The following FAM222B variants were observed in gnomAD, a reference collection of about 807,000 sequenced individuals.
FAM222B encodes protein FAM222B.
Under a neutral mutation model 38.0 loss-of-function variants are expected in FAM222B, and 12 were observed. The observed-to-expected ratio is 0.32, with a 90% confidence interval of 0.20 to 0.51. The LOEUF (loss-of-function observed/expected upper bound fraction) is 0.51. FAM222B is among the 20% of genes least tolerant of loss of function. The probability of loss-of-function intolerance (pLI) is 0.97; values close to 1 mark genes in which losing one functional copy is unlikely to be tolerated. For missense variants in FAM222B, 716 were observed against 754.2 expected (o/e 0.95, Z 0.59); for synonymous variants, 329 against 317.2 (o/e 1.04, Z -0.40).
upstream of FAM222B, among the ~76,000 whole-genome samples, chr17:28,843,146 T>G (rs1175944391): frequency 6.6e-6 from 1 of 151,876 alleles, no homozygotes; most frequent in African/African-American, 2.4e-5. Flanking sequence ...GTCTTTTTTT[T>G]TTTTTTTCTG....
At position 28,842,746 on chromosome 17, in the gene FAM222B, TCTC is replaced by T. The variant is rs2039092059; in HGVS notation, c.-108_-106del. ...CCGCCCGCCGCCCGCCGCCACCACT[TCTC>T]CACTGCCCGGCCCCTCAGTCACCGG... On this transcript the variant is annotated 5_prime_UTR_variant, in exon 1 of 3. Transcript: ENST00000581407. 1.4e-5 allele frequency: 2 copies of T among 144,138 alleles called. No homozygotes were observed. Among genetic ancestry groups the T allele is most frequent in the African/African-American group, 5.4e-5 (2 of 36,778 alleles). The allele number at this position is 144,138 out of a possible 1,614,324, so 8.9% of individuals were successfully genotyped here.
chr17:28,817,692 T>C (rs1384501586), intron 1 of FAM222B, among the ~76,000 whole-genome samples: 1 of 152,038 alleles, frequency 6.6e-6, no homozygotes, highest in Non-Finnish European at 1.5e-5. Context: ...GCACTCCAGC[T>C]TGGGCAACAA....
At position 28,803,771 on chromosome 17, in the gene FAM222B, A is replaced by T. The variant is rs183031590; in HGVS notation, c.-40-37064T>A. On this transcript the variant is annotated intron_variant, in intron 1 of 2. Transcript: ENST00000581407. ...GAGACGGGTGGATCAAGAGGTCAGG[A>T]GTTCAAGACCAGCCTGGCCAAGATG... Among the ~76,000 whole-genome samples the T allele has an allele frequency of 3.7e-4, 57 of 152,154 alleles. 1 individual carries two copies. The highest frequency in any genetic ancestry group is 1.3e-3 in the African/African-American group (55 of 41,496).
chr17:28,842,318 C>CAGGAAGTGG (rs2039070645), intron 1 of FAM222B, among the ~76,000 whole-genome samples: 1 of 152,138 alleles, frequency 6.6e-6, no homozygotes, highest in Non-Finnish European at 1.5e-5. Flanking sequence ...CCTTCCCCTG[C>CAGGAAGTGG]CTGGTTCAGA....
At chr17:28,815,188 G>A (rs536145543) in intron 1 of FAM222B, among the ~76,000 whole-genome samples, 22 of 151,352 alleles carry the variant, frequency 1.5e-4, no homozygotes, top group African/African-American at 5.1e-4. Context: ...CAGGTAGGGA[G>A]AACTGAAGAA....
intron 1 of FAM222B, among the ~76,000 whole-genome samples, chr17:28,791,373 T>C (rs964188010): frequency 2.6e-5 from 4 of 152,112 alleles, no homozygotes; most frequent in African/African-American, 7.2e-5. Context: ...CCACTTGGAA[T>C]AGGTTTCCTG....
At chr17:28,765,937 A>T (rs1405469826) in intron 2 of FAM222B, among the ~76,000 whole-genome samples, 2 of 152,214 alleles carry the variant, frequency 1.3e-5, no homozygotes, top group East Asian at 3.8e-4. Flanking sequence ...CTACTAAGAG[A>T]GTTCAAAACA....
At chr17:28,822,694 G>A (rs992114444) in intron 1 of FAM222B, among the ~76,000 whole-genome samples, 3 of 147,374 alleles carry the variant, frequency 2.0e-5, no homozygotes, top group African/African-American at 7.5e-5. Flanking sequence ...CCAGCCACCT[G>A]GGAGACTGAG....
At chr17:28,845,354 C>G (rs1598068223), upstream of FAM222B, among the ~76,000 whole-genome samples, 1 of 149,538 alleles carries the variant, frequency 6.7e-6, no homozygotes, top group African/African-American at 2.5e-5. Context: ...TGAGCCAAGA[C>G]GGTGCCACTG....
chr17:28,758,175 G>T lies in FAM222B; in HGVS notation c.*95C>A. On this transcript the variant is annotated 3_prime_UTR_variant, in exon 3 of 3. Coordinates refer to ENST00000581407, the MANE Select transcript of FAM222B (RefSeq NM_001077498.3). ...TTAGACATCTAAGAATGATCACACT[G>T]GAGCAGTGAAACTTTGAAACTATCC... 9.3e-7 allele frequency: 1 copy of T among 1,077,550 alleles called. No homozygotes were observed. The highest frequency in any genetic ancestry group is 2.4e-5 in the East Asian group (1 of 40,890). 66.7% of individuals were successfully genotyped at this position (1,077,550 alleles called of 1,614,324 possible).
intron 1 of FAM222B, among the ~76,000 whole-genome samples, chr17:28,804,585 C>T (rs963807664): frequency 5.9e-5 from 9 of 152,088 alleles, no homozygotes; most frequent in Non-Finnish European, 1.2e-4. Flanking sequence ...CCACACACCT[C>T]GGCCTCCCAA....
At chr17:28,811,463 A>C (rs1275829022) in intron 1 of FAM222B, among the ~76,000 whole-genome samples, 2 of 152,118 alleles carry the variant, frequency 1.3e-5, no homozygotes, top group African/African-American at 4.8e-5. Flanking sequence ...AAAACAAAAA[A>C]ACCCCCACGA....
chr17:28,759,169 C>G lies in FAM222B; in HGVS notation c.790G>C (p.Asp264His). Residue 264 changes from aspartate to histidine, a missense_variant, in exon 3 of 3, where the codon GAC (aspartate) becomes CAC (histidine). Asp to His is a moderately conservative substitution (Grantham distance 81, BLOSUM62 -1). Transcript: ENST00000581407. The surrounding 1 kb of genome is among the most constrained non-coding windows in gnomAD (Gnocchi z 4.8). ...AATLQHSQPP[D>H]LSSIVHQINQ... ...ATCTGGTGCACGATGCTACTCAGGT[C>G]CGGAGGCTGGCTGTGCTGCAGAGTG... 1 of 1,612,976 alleles carries G rather than the reference C, an allele frequency of 6.2e-7. No homozygotes were observed. The highest frequency in any genetic ancestry group is 8.5e-7 in the Non-Finnish European group (1 of 1,179,486).
intron 1 of FAM222B, among the ~76,000 whole-genome samples, chr17:28,769,051 C>T (rs1316060686): frequency 4.6e-5 from 7 of 151,948 alleles, no homozygotes; most frequent in Admixed American, 4.6e-4. Flanking sequence ...GCCTTGGAAA[C>T]AGGTAACAAA....
chr17:28,810,475 AGC>A (rs1597989279), intron 1 of FAM222B, among the ~76,000 whole-genome samples: 2 of 151,232 alleles, frequency 1.3e-5, no homozygotes, highest in East Asian at 3.9e-4. Flanking sequence ...TTTATATACT[AGC>A]TAACTTTGTT....
chr17:28,822,110 C>T (rs1184610851), intron 1 of FAM222B, among the ~76,000 whole-genome samples: 1 of 150,646 alleles, frequency 6.6e-6, no homozygotes, highest in Non-Finnish European at 1.5e-5. Context: ...CAACCTCCCC[C>T]ACCTGGGTTC....
chr17:28,842,686 G>T lies in FAM222B; in HGVS notation c.-45C>A. 6.5e-6 allele frequency: 1 copy of T among 153,432 alleles called. No homozygotes were observed. Among genetic ancestry groups the T allele is most frequent in the South Asian group, 1.8e-4 (1 of 5,422 alleles). The allele number at this position is 153,432 out of a possible 1,614,324, so 9.5% of individuals were successfully genotyped here. The stretch of plus-strand genomic sequence containing the variant: ...TCCCCCTCCACCACTACTCACGGTC[G>T]GTGACTGGGCCCGGCCCTCATGGCT... On this transcript the variant is annotated 5_prime_UTR_variant, in exon 1 of 3. Coordinates refer to ENST00000581407, the MANE Select transcript of FAM222B (RefSeq NM_001077498.3).
At chr17:28,772,185 A>C (rs563278218) in intron 1 of FAM222B, among the ~76,000 whole-genome samples, 16 of 152,272 alleles carry the variant, frequency 1.1e-4, no homozygotes, top group Admixed American at 5.2e-4. Context: ...AAACACCTTC[A>C]CTCAGTGGTC....
At chr17:28,848,883 A>C (rs2039162646) in intron 1 of FAM222B, 1 of 152,198 alleles carries the variant, frequency 6.6e-6, no homozygotes, top group Non-Finnish European at 1.5e-5. Flanking sequence ...CTCCCCTGGG[A>C]GCCAAGAGTC....
Sources: gnomAD v4.1 joint callset for allele counts (sites outside exome capture counted in the v4.1 genomes callset) on GRCh38, gnomAD v4.1.1 for gene constraint, Gnocchi (gnomAD v3.1) non-coding constraint, MANE v1.5 for transcripts, NCBI Gene and HGNC (gene_info 2026-07-23, HGNC 2026-07-21) for gene names.